The following RBFOX1 variants were observed in gnomAD, a reference collection of about 807,000 sequenced individuals.
RBFOX1 encodes RNA binding fox-1 homolog 1, also known as RNA binding protein fox-1 homolog 1.
In RBFOX1, 8 loss-of-function variants were observed where a neutral mutation model predicts 57.7. That is an observed-to-expected ratio of 0.14 (90% confidence interval 0.08 to 0.25). The LOEUF (loss-of-function observed/expected upper bound fraction) is 0.25. Among genes scored for constraint, RBFOX1 ranks in the 10% least tolerant of loss-of-function variants. The pLI is 1.00. For missense variants in RBFOX1, 611 were observed against 548.5 expected (o/e 1.11, Z -1.14); for synonymous variants, 326 against 222.4 (o/e 1.47, Z -4.15).
At chr16:5,551,966 G>A (rs2045483375) in intron 2 of RBFOX1, among the ~76,000 whole-genome samples, 1 of 152,176 alleles carries the variant, frequency 6.6e-6, no homozygotes, top group Non-Finnish European at 1.5e-5. Context: ...CAAAGGACAT[G>A]AACTCATTCT....
intron 2 of RBFOX1, among the ~76,000 whole-genome samples, chr16:6,582,525 T>G (rs988723981): frequency 6.6e-6 from 1 of 150,514 alleles, no homozygotes; most frequent in African/African-American, 2.4e-5. Context: ...GCATGTGGAG[T>G]CAGGTGCATA....
intron 4 of RBFOX1, among the ~76,000 whole-genome samples, chr16:6,002,346 G>A (rs1269872332): frequency 6.6e-6 from 1 of 152,188 alleles, no homozygotes; most frequent in East Asian, 1.9e-4. Context: ...CAAGAACTGA[G>A]GGAGTGGTAC....
chr16:7,082,517 G>C (rs1340801532), intron 4 of RBFOX1, among the ~76,000 whole-genome samples: 1 of 151,394 alleles, frequency 6.6e-6, no homozygotes, highest in African/African-American at 2.4e-5. Context: ...GGGAGGTGGA[G>C]GTTGATCAAA....
intron 4 of RBFOX1, among the ~76,000 whole-genome samples, chr16:7,124,338 C>T (rs1448697981): frequency 6.6e-6 from 1 of 152,100 alleles, no homozygotes; most frequent in Non-Finnish European, 1.5e-5. Flanking sequence ...CCCTTGAGTT[C>T]AGGAGGTTGA....
rs200549191 is a variant in RBFOX1 at position 7,405,400 on chromosome 16, C to G, written c.28-112747C>G. ...GCGCTGTGCAGTTTTTTCCCTGTTC[C>G]ACCAGGTGTTGCCAGAGAACATTGA... is the stretch of plus-strand genomic sequence containing the variant. On this transcript the variant is annotated intron_variant, in intron 4 of 15. Transcript: ENST00000550418. Among the ~76,000 whole-genome samples the G allele has an allele frequency of 1.1e-4, 16 of 152,278 alleles. No homozygotes were observed. The East Asian group carries it at 3.1e-3, about 29-fold the overall frequency.
At chr16:7,020,805 C>T (rs974775924) in intron 3 of RBFOX1, among the ~76,000 whole-genome samples, 1 of 152,116 alleles carries the variant, frequency 6.6e-6, no homozygotes, top group African/African-American at 2.4e-5. Flanking sequence ...GTATCCACCA[C>T]CCTGACCGGC....
intron 3 of RBFOX1, among the ~76,000 whole-genome samples, chr16:5,858,504 T>G (rs1040472422): frequency 6.6e-6 from 1 of 152,176 alleles, no homozygotes. Context: ...CCTGTGACTT[T>G]TTCTTTCCTC....
chr16:5,327,384 A>G (rs2151265541), intron 1 of RBFOX1, among the ~76,000 whole-genome samples: 1 of 152,188 alleles, frequency 6.6e-6, no homozygotes, highest in African/African-American at 2.4e-5. Context: ...TTTAAGGACC[A>G]CTCTCTTAAG....
chr16:7,285,009 C>T (rs1298529624), intron 4 of RBFOX1, among the ~76,000 whole-genome samples: 1 of 151,290 alleles, frequency 6.6e-6, no homozygotes, highest in East Asian at 1.9e-4. Flanking sequence ...GGAATGCCGC[C>T]TCTTCAGAAA....
intron 3 of RBFOX1, among the ~76,000 whole-genome samples, chr16:6,908,102 C>A (rs183161438): frequency 2.0e-4 from 30 of 151,912 alleles, no homozygotes; most frequent in African/African-American, 7.2e-4. Flanking sequence ...TTCACAGCTA[C>A]TGGGGGTTAG....
At chr16:5,294,696 C>T (rs2063619203) in intron 1 of RBFOX1, among the ~76,000 whole-genome samples, 1 of 152,018 alleles carries the variant, frequency 6.6e-6, no homozygotes, top group African/African-American at 2.4e-5. Flanking sequence ...ATTTGGACCC[C>T]TTTGTGTGCT....
At chr16:7,475,130 T>C (rs567502968) in intron 4 of RBFOX1, among the ~76,000 whole-genome samples, 3 of 152,212 alleles carry the variant, frequency 2.0e-5, no homozygotes, top group East Asian at 3.9e-4. Context: ...CGAGCTTTTC[T>C]GTAGAGGTTG....
intron 3 of RBFOX1, among the ~76,000 whole-genome samples, chr16:6,915,958 G>C (rs1045303754): frequency 6.6e-6 from 1 of 152,102 alleles, no homozygotes; most frequent in African/African-American, 2.4e-5. Context: ...AGAAACCAAA[G>C]TACAAGGCAG....
At chr16:5,928,927 C>G (rs2058990814) in intron 4 of RBFOX1, among the ~76,000 whole-genome samples, 1 of 151,496 alleles carries the variant, frequency 6.6e-6, no homozygotes, top group Non-Finnish European at 1.5e-5. Context: ...AAACAGAGCT[C>G]GCAATGTGGC....
At chr16:6,809,124 C>G (rs376669456) in intron 3 of RBFOX1, among the ~76,000 whole-genome samples, 1 of 152,202 alleles carries the variant, frequency 6.6e-6, no homozygotes, top group Non-Finnish European at 1.5e-5. Flanking sequence ...CAACCTGTCA[C>G]CAGTTCAGCT....
chr16:7,239,419 A>G (rs546306416), intron 4 of RBFOX1, among the ~76,000 whole-genome samples: 5 of 152,272 alleles, frequency 3.3e-5, no homozygotes, highest in African/African-American at 9.6e-5. Flanking sequence ...GAATTGCTTA[A>G]ACCTGGGAGC....
At chr16:6,327,253 C>T (rs193270235) in intron 2 of RBFOX1, among the ~76,000 whole-genome samples, 11 of 151,942 alleles carry the variant, frequency 7.2e-5, no homozygotes, top group African/African-American at 9.7e-5. Context: ...TCATTCCCTG[C>T]GATCATCATT....
intron 2 of RBFOX1, chr16:5,598,789 C>T (rs1476757867): frequency 1.3e-6 from 1 of 789,052 alleles, no homozygotes; most frequent in Non-Finnish European, 2.0e-6. Context: ...GGTACTGTGG[C>T]TAAACGTGGT....
chr16:7,009,343 C>T (rs2093533546), intron 3 of RBFOX1, among the ~76,000 whole-genome samples: 1 of 149,214 alleles, frequency 6.7e-6, no homozygotes, highest in Admixed American at 6.8e-5. Flanking sequence ...ATTTGAAGAC[C>T]CTGCGCCAAG....
Sources: allele counts gnomAD v4.1 joint callset (sites outside exome capture counted in the v4.1 genomes callset), GRCh38; gene constraint gnomAD v4.1.1; transcripts MANE v1.5; gene names NCBI Gene and HGNC (gene_info 2026-07-23, HGNC 2026-07-21).